The following HACE1 variants were observed in gnomAD, a reference collection of about 807,000 sequenced individuals.
The protein encoded by HACE1 is E3 ubiquitin-protein ligase HACE1.
In HACE1, 73 loss-of-function variants were observed where a neutral mutation model predicts 118.4. That is an observed-to-expected ratio of 0.62 (90% CI 0.51 to 0.75). HACE1 has a LOEUF of 0.75. Ranked by LOEUF, HACE1 falls within the 30% of genes least tolerant of loss-of-function variation. HACE1 has a pLI of 0.00. For missense variants in HACE1, 749 were observed against 1,102.2 expected (o/e 0.68, Z 4.54); for synonymous variants, 368 against 374.8 (o/e 0.98, Z 0.21).
chr6:104,832,945 G>C, intron 6 of HACE1, 97 bp downstream of exon 6: 2 of 1,119,806 alleles, frequency 1.8e-6, no homozygotes, highest in Non-Finnish European at 2.7e-6. Flanking sequence ...TTGCTATAAT[G>C]CTTCATGTTC....
chr6:104,738,073 G>T (rs546219892), intron 22 of HACE1, among the ~76,000 whole-genome samples: 9 of 151,796 alleles, frequency 5.9e-5, no homozygotes, highest in East Asian at 5.8e-4. Context: ...CACCTCACAC[G>T]GCAGGGTATT....
At chr6:104,764,565 T>C (rs1256351944) in intron 19 of HACE1, among the ~76,000 whole-genome samples, 1 of 152,152 alleles carries the variant, frequency 6.6e-6, no homozygotes, top group Non-Finnish European at 1.5e-5. Context: ...TGATTTCTTG[T>C]TCTGTTGTGA....
intron 17 of HACE1, among the ~76,000 whole-genome samples, chr6:104,775,984 C>T (rs942268025): frequency 6.6e-6 from 1 of 152,228 alleles, no homozygotes; most frequent in Admixed American, 6.5e-5. Flanking sequence ...ATCCCACCTT[C>T]ACTTGGAATA....
intron 4 of HACE1, among the ~76,000 whole-genome samples, chr6:104,846,043 T>C (rs978808406): frequency 1.3e-5 from 2 of 152,106 alleles, no homozygotes; most frequent in Admixed American, 6.5e-5. Flanking sequence ...GCCAGGGAAA[T>C]AGGCCCAAAA....
At chr6:104,783,091 T>C (rs1344210453) in intron 14 of HACE1, among the ~76,000 whole-genome samples, 2 of 152,128 alleles carry the variant, frequency 1.3e-5, no homozygotes, top group African/African-American at 4.8e-5. Context: ...AACACAAAAT[T>C]TCTGCTGCAA....
intron 5 of HACE1, among the ~76,000 whole-genome samples, chr6:104,834,016 C>CGTAT (rs1774275732): frequency 6.6e-6 from 1 of 152,046 alleles, no homozygotes; most frequent in African/African-American, 2.4e-5. Context: ...TGGTGGCATA[C>CGTAT]ACCTATGGTC....
At chr6:104,840,016 A>T (rs1774939974) in intron 5 of HACE1, among the ~76,000 whole-genome samples, 1 of 152,170 alleles carries the variant, frequency 6.6e-6, no homozygotes, top group Admixed American at 6.5e-5. Flanking sequence ...AAAAAAATAA[A>T]ATAAAATAAA....
Position 104,776,729 on chromosome 6 carries a change from T to A in HACE1, c.1864+12A>T. ...AAGTTGCAGAAAAAGTCATCTAGAC[T>A]GTACAACTTACCATCAGCTGACTGG... On this transcript the variant is annotated intron_variant, in intron 17 of 23. Coordinates refer to ENST00000262903, the MANE Select transcript of HACE1 (RefSeq NM_020771.4). The A allele has an allele frequency of 5.4e-6, 8 of 1,493,762 alleles. No individual in the cohort carries two copies. The Middle Eastern group carries it at 8.6e-4, about 160-fold the overall frequency. The allele number at this position is 1,493,762 out of a possible 1,614,324, so 92.5% of individuals were successfully genotyped here.
intron 11 of HACE1, among the ~76,000 whole-genome samples, chr6:104,789,446 G>A (rs1782773708): frequency 6.6e-6 from 1 of 151,866 alleles, no homozygotes; most frequent in South Asian, 2.1e-4. Context: ...AAATAAGAAA[G>A]TATTTATATA....
At chr6:104,744,858 T>C (rs948314729) in intron 20 of HACE1, among the ~76,000 whole-genome samples, 7 of 152,220 alleles carry the variant, frequency 4.6e-5, no homozygotes, top group African/African-American at 1.7e-4. Context: ...TAAGAGATTA[T>C]AGTTTATATG....
At chr6:104,736,391 C>A (rs1319147411) in intron 22 of HACE1, among the ~76,000 whole-genome samples, 1 of 151,946 alleles carries the variant, frequency 6.6e-6, no homozygotes, top group Non-Finnish European at 1.5e-5. Flanking sequence ...CTCAAGTGAT[C>A]CTCCCACCTC....
At chr6:104,734,590 A>C (rs1775610540) in intron 22 of HACE1, among the ~76,000 whole-genome samples, 1 of 152,060 alleles carries the variant, frequency 6.6e-6, no homozygotes, top group African/African-American at 2.4e-5. Context: ...TGAATTCTTC[A>C]ATCCAAGGGT....
At chr6:104,770,914 T>C (rs912034992) in intron 19 of HACE1, among the ~76,000 whole-genome samples, 1 of 152,246 alleles carries the variant, frequency 6.6e-6, no homozygotes, top group Non-Finnish European at 1.5e-5. Context: ...CTTATATTTC[T>C]AATCAAATTT....
intron 17 of HACE1, among the ~76,000 whole-genome samples, chr6:104,775,297 T>G (rs1781113866): frequency 6.6e-6 from 1 of 151,556 alleles, no homozygotes; most frequent in Admixed American, 6.6e-5. Flanking sequence ...AGGTGGAGGG[T>G]CCCTTGAGCC....
In HACE1 at chr6:104,784,384, T is replaced by C. The variant is rs544389754; in HGVS notation, c.1478+33A>G. 1,112 of 1,382,186 alleles carry C rather than the reference T, an allele frequency of 8.0e-4. 17 individuals carry two copies. In the South Asian group the frequency reaches 0.012, roughly 15 times the overall value. The allele number at this position is 1,382,186 out of a possible 1,614,324, so 85.6% of individuals were successfully genotyped here. A position where few individuals can be genotyped will look rare whatever the true frequency, so the allele number is the denominator to read the frequency against. ...AACTGTAAGTAAAGAGAGGAAAGGCTAGCAGGGTACTCCACAAACCCAGAA... is the reference window on the plus strand; with the variant it reads ...AACTGTAAGTAAAGAGAGGAAAGGCCAGCAGGGTACTCCACAAACCCAGAA... On this transcript the variant is annotated intron_variant, in intron 13 of 23. Coordinates refer to ENST00000262903, the MANE Select transcript of HACE1 (RefSeq NM_020771.4).
intron 22 of HACE1, among the ~76,000 whole-genome samples, chr6:104,743,839 A>C (rs1239372485): frequency 1.2e-5 from 1 of 85,320 alleles, no homozygotes; most frequent in East Asian, 3.5e-4. Flanking sequence ...TAAAATATTA[A>C]AATAATATAC....
chr6:104,750,249 T>G (rs55772282), intron 20 of HACE1, 92 bp downstream of exon 20: 164,758 of 1,044,882 alleles, frequency 0.16, 14,930 homozygotes, highest in African/African-American at 0.36. Context: ...CATTATTTCA[T>G]TCATCATAAT....
At chr6:104,784,547 C>G in intron 12 of HACE1, 62 bp from the exon 13 acceptor site, 1 of 1,119,802 alleles carries the variant, frequency 8.9e-7, no homozygotes, top group Non-Finnish European at 1.4e-6. Flanking sequence ...ATATAGCGAA[C>G]TTGATAAATA....
intron 5 of HACE1, among the ~76,000 whole-genome samples, chr6:104,835,738 G>A (rs973923612): frequency 6.6e-6 from 1 of 152,046 alleles, no homozygotes. Context: ...ATTATCCATC[G>A]AAATGGATAA....
Sources: allele counts gnomAD v4.1 joint callset (sites outside exome capture counted in the v4.1 genomes callset), GRCh38; gene constraint gnomAD v4.1.1; transcripts MANE v1.5; gene names NCBI Gene and HGNC (gene_info 2026-07-23, HGNC 2026-07-21).